The following STON1 variants were observed in gnomAD, a reference collection of about 807,000 sequenced individuals.
STON1 encodes the protein stonin-1.
A neutral mutation model predicts 60.9 loss-of-function variants in STON1; 79 were observed. The observed-to-expected ratio is 1.30, with a 90% CI of 1.08 to 1.56. The LOEUF is 1.56. STON1 is among the 40% of genes most tolerant of loss of function. STON1 has a pLI of 0.00. For missense variants in STON1, 1,166 were observed against 858.9 expected (o/e 1.36, Z -4.47); for synonymous variants, 363 against 306.9 (o/e 1.18, Z -1.91).
At chr2:48,574,532 T>C (rs919721038) in intron 1 of STON1, among the ~76,000 whole-genome samples, 4 of 152,220 alleles carry the variant, frequency 2.6e-5, no homozygotes, top group Admixed American at 2.6e-4. Context: ...AGTAAAGCTG[T>C]TATTTAAAAA....
intron 1 of STON1, among the ~76,000 whole-genome samples, chr2:48,534,879 C>T (rs2103732549): frequency 6.6e-6 from 1 of 152,326 alleles, no homozygotes; most frequent in African/African-American, 2.4e-5. Flanking sequence ...CCAGTCACTT[C>T]TCTTTAGAAG....
At chr2:48,593,411 G>A (rs1674636414) in intron 3 of STON1, among the ~76,000 whole-genome samples, 1 of 152,012 alleles carries the variant, frequency 6.6e-6, no homozygotes, top group Admixed American at 6.6e-5. Context: ...CACCACACCT[G>A]GCCTAAAAGT....
rs6742765 is a variant in STON1 at position 48,549,239 on chromosome 2, C to A, written c.-48+19023C>A. The stretch of plus-strand genomic sequence containing the variant: ...CAAGAGCAGAAGAATTTATCAAGTG[C>A]TTCCTATTTTTCAAAGAAACTTTCA... On this transcript the variant is annotated intron_variant, in intron 1 of 3. Coordinates refer to ENST00000404752, the MANE Select transcript of STON1 (RefSeq NM_006873.4). 8.4e-3 allele frequency among the ~76,000 whole-genome samples: 1,285 copies of A among 152,270 alleles called. 16 individuals carry two copies. Among genetic ancestry groups the A allele is most frequent in the African/African-American group, 0.03 (1,236 of 41,538 alleles).
intron 1 of STON1, among the ~76,000 whole-genome samples, chr2:48,572,557 A>T (rs1308555422): frequency 6.6e-6 from 1 of 152,230 alleles, no homozygotes; most frequent in Non-Finnish European, 1.5e-5. Flanking sequence ...TATGGAAATC[A>T]GTTTATTTGT....
chr2:48,566,336 C>A (rs192679575), intron 1 of STON1, among the ~76,000 whole-genome samples: 1 of 152,138 alleles, frequency 6.6e-6, no homozygotes, highest in Non-Finnish European at 1.5e-5. Flanking sequence ...CCACCACGCC[C>A]GGCTAATTTT....
rs551669878 is a variant in STON1, at chr2:48,534,960, A to T, written c.-48+4744A>T. On this transcript the variant is annotated intron_variant, in intron 1 of 3. Coordinates refer to ENST00000404752, the MANE Select transcript of STON1 (RefSeq NM_006873.4). ...GCAAACCAGCTCCACTCACAAGAAG[A>T]ATCCCGAATTCCATGGAGGCTTCCT... 3.9e-5 allele frequency among the ~76,000 whole-genome samples: 6 copies of T among 152,174 alleles called. No homozygotes were observed. The South Asian group carries it at 8.3e-4, about 21-fold the overall frequency.
At chr2:48,574,066 T>C (rs948442248) in intron 1 of STON1, among the ~76,000 whole-genome samples, 3 of 152,070 alleles carry the variant, frequency 2.0e-5, no homozygotes, top group Middle Eastern at 3.2e-3. Flanking sequence ...GGGTTTATTA[T>C]TGGGATGAAA....
chr2:48,549,146 A>G (rs925626391), intron 1 of STON1, among the ~76,000 whole-genome samples: 3 of 152,222 alleles, frequency 2.0e-5, no homozygotes, highest in African/African-American at 7.2e-5. Context: ...AAAAGAATTT[A>G]TCCGGGAAAC....
At chr2:48,565,757 C>T (rs1370404036) in intron 1 of STON1, among the ~76,000 whole-genome samples, 1 of 152,106 alleles carries the variant, frequency 6.6e-6, no homozygotes, top group African/African-American at 2.4e-5. Context: ...GAAAGGAAAA[C>T]TAACATATAT....
intron 2 of STON1, among the ~76,000 whole-genome samples, chr2:48,586,820 G>C (rs1457471927): frequency 3.3e-5 from 5 of 152,182 alleles, no homozygotes; most frequent in African/African-American, 1.2e-4. Context: ...GGGAAGTTGG[G>C]AGGAGGTAAG....
intron 1 of STON1, among the ~76,000 whole-genome samples, chr2:48,568,379 C>G (rs1483444300): frequency 6.6e-6 from 1 of 152,158 alleles, no homozygotes; most frequent in Non-Finnish European, 1.5e-5. Context: ...CTGACTTCAA[C>G]AATCTACAGG....
intron 1 of STON1, among the ~76,000 whole-genome samples, chr2:48,577,228 C>G (rs1439208922): frequency 6.6e-6 from 1 of 151,878 alleles, no homozygotes; most frequent in Non-Finnish European, 1.5e-5. Context: ...GCTGTCATAT[C>G]CAAGAAATCA....
chr2:48,562,558 G>T (rs756082583), intron 1 of STON1, among the ~76,000 whole-genome samples: 1 of 152,194 alleles, frequency 6.6e-6, no homozygotes, highest in African/African-American at 2.4e-5. Flanking sequence ...GAAAAGCAAA[G>T]TGAGGCCAAA....
chr2:48,538,879 A>G (rs1671541862), intron 1 of STON1, among the ~76,000 whole-genome samples: 1 of 151,652 alleles, frequency 6.6e-6, no homozygotes, highest in Non-Finnish European at 1.5e-5. Flanking sequence ...CGGCCTCCCA[A>G]AATACTTGGA....
rs116201170 is a variant in STON1, at chr2:48,590,336, C to G, written c.1931-1317C>G. ...TACAGCCTTAGAATTCTATTAGTCA[C>G]TCTACAAGAAACAGGTTGTATGGAA... On this transcript the variant is annotated intron_variant, in intron 2 of 3. Transcript: ENST00000404752. Among the ~76,000 whole-genome samples the G allele has an allele frequency of 9.6e-3, 1,457 of 152,236 alleles. 16 individuals are homozygous for G. The highest frequency in any genetic ancestry group is 0.014 in the Non-Finnish European group (977 of 68,024).
intron 1 of STON1, among the ~76,000 whole-genome samples, chr2:48,578,840 C>T (rs1210587762): frequency 6.6e-6 from 1 of 151,968 alleles, no homozygotes; most frequent in Non-Finnish European, 1.5e-5. Flanking sequence ...ATCTACCCAC[C>T]TTGGCCTCCC....
chr2:48,536,547 TAAAAAAA>T (rs540312014), intron 1 of STON1, among the ~76,000 whole-genome samples: 100 of 102,898 alleles, frequency 9.7e-4, no homozygotes, highest in Admixed American at 1.4e-3. Flanking sequence ...GATGCCATCT[TAAAAAAA>T]AAAAAAAAAA....
In STON1 at chr2:48,555,291, C is replaced by T. The variant is rs1156365985; in HGVS notation, c.-48+25075C>T. Among the ~76,000 whole-genome samples, 12 of 91,630 alleles carry T rather than the reference C, an allele frequency of 1.3e-4. No homozygotes were observed. In the South Asian group the frequency reaches 3.0e-3, roughly 23 times the overall value. 60.1% of individuals were successfully genotyped at this position (91,630 alleles called of 152,430 possible). A position where few individuals can be genotyped will look rare whatever the true frequency, so the allele number is the denominator to read the frequency against. ...CTGGGCAGAGGCGCCCCTCACCTCC[C>T]GGACGGGGCGGCTGGCCGGGCGGGG... On this transcript the variant is annotated intron_variant, in intron 1 of 3. Transcript: ENST00000404752.
chr2:48,551,257 T>C (rs1417037012), intron 1 of STON1, among the ~76,000 whole-genome samples: 6 of 152,166 alleles, frequency 3.9e-5, no homozygotes, highest in Admixed American at 6.5e-5. Context: ...GGGTGTTTCC[T>C]GGGTAAATTT....
Sources: gnomAD v4.1 joint callset for allele counts (sites outside exome capture counted in the v4.1 genomes callset) on GRCh38, gnomAD v4.1.1 for gene constraint, MANE v1.5 for transcripts, NCBI Gene and HGNC (gene_info 2026-07-23, HGNC 2026-07-21) for gene names.